Variants in PRLR observed in about 807,000 individuals in gnomAD.
PRLR encodes the protein hPRL receptor.
PRLR carries 13 observed loss-of-function variants against 40.2 expected under a neutral mutation model. The observed-to-expected ratio is 0.32, with a 90% CI of 0.21 to 0.51. The LOEUF is 0.51. Ranked by LOEUF, PRLR falls within the 20% of genes least tolerant of loss-of-function variation. The probability of loss-of-function intolerance (pLI) is 0.97; values close to 1 mark genes in which losing one functional copy is unlikely to be tolerated. For synonymous variants in PRLR, 269 were observed against 278.7 expected (o/e 0.97, Z 0.35); for missense variants, 656 against 747.3 (o/e 0.88, Z 1.42).
At chr5:35,143,790 C>T (rs1008888030) in intron 1 of PRLR, among the ~76,000 whole-genome samples, 18 of 152,096 alleles carry the variant, frequency 1.2e-4, no homozygotes, top group African/African-American at 3.6e-4. Flanking sequence ...TATGTATTCA[C>T]GCATTTCTAA....
chr5:35,113,514 C>T (rs1303598080), intron 2 of PRLR, among the ~76,000 whole-genome samples: 1 of 150,660 alleles, frequency 6.6e-6, no homozygotes, highest in Non-Finnish European at 1.5e-5. Flanking sequence ...TCTATCCACC[C>T]ATCCATTTAT....
At chr5:35,077,686 G>C (rs1304018061) in intron 5 of PRLR, among the ~76,000 whole-genome samples, 3 of 152,162 alleles carry the variant, frequency 2.0e-5, no homozygotes, top group Non-Finnish European at 2.9e-5. Context: ...CTTGAACTCA[G>C]CTCTGCACCA....
At chr5:35,174,827 C>A (rs1419414294) in intron 1 of PRLR, among the ~76,000 whole-genome samples, 1 of 152,140 alleles carries the variant, frequency 6.6e-6, no homozygotes, top group Non-Finnish European at 1.5e-5. Flanking sequence ...TTGGGTAAGA[C>A]CCCCACCCTG....
chr5:35,165,995 C>T (rs112053310), intron 1 of PRLR, among the ~76,000 whole-genome samples: 13 of 152,218 alleles, frequency 8.5e-5, no homozygotes, highest in African/African-American at 2.6e-4. Context: ...TAGTTTCTAT[C>T]CTCATATTCC....
intron 1 of PRLR, among the ~76,000 whole-genome samples, chr5:35,142,812 C>T (rs1579725502): frequency 6.6e-6 from 1 of 152,104 alleles, no homozygotes; most frequent in Non-Finnish European, 1.5e-5. Flanking sequence ...GTGCTATGGC[C>T]AGGTTGTCTG....
chr5:35,068,416 CAAT>C (rs1769516387), intron 8 of PRLR, 131 bp from the exon 9 acceptor site: 1 of 745,584 alleles, frequency 1.3e-6, no homozygotes, highest in Non-Finnish European at 2.3e-6. Flanking sequence ...ATGAAACAAT[CAAT>C]GATGAAAATA....
intron 1 of PRLR, among the ~76,000 whole-genome samples, chr5:35,185,299 T>G (rs1775397426): frequency 6.6e-6 from 1 of 152,192 alleles, no homozygotes. Context: ...AGAGTTATTT[T>G]ATACAAGGAA....
intron 2 of PRLR, among the ~76,000 whole-genome samples, chr5:35,101,332 C>CA (rs374496708): frequency 1.0e-3 from 152 of 152,266 alleles, no homozygotes; most frequent in African/African-American, 3.3e-3. Flanking sequence ...CATTAATCAA[C>CA]AGGCTCTCCA....
chr5:35,211,790 A>C (rs945402895), intron 1 of PRLR, among the ~76,000 whole-genome samples: 6 of 152,268 alleles, frequency 3.9e-5, no homozygotes, highest in Admixed American at 3.9e-4. Flanking sequence ...AAATTCATGT[A>C]TAATATGATA....
At chr5:35,105,983 T>C (rs896184868) in intron 2 of PRLR, among the ~76,000 whole-genome samples, 86 of 152,314 alleles carry the variant, frequency 5.6e-4, no homozygotes, top group Non-Finnish European at 9.6e-4. Flanking sequence ...AGAGAAAGGT[T>C]GGGTTACCCA....
chr5:35,167,216 A>G (rs1024193008), intron 1 of PRLR, among the ~76,000 whole-genome samples: 3 of 151,980 alleles, frequency 2.0e-5, no homozygotes, highest in East Asian at 1.9e-4. Flanking sequence ...ATATTGGTCA[A>G]TGAGAGGGAT....
chr5:35,134,920 C>T (rs973700940), intron 1 of PRLR, among the ~76,000 whole-genome samples: 2 of 152,188 alleles, frequency 1.3e-5, no homozygotes, highest in African/African-American at 4.8e-5. Flanking sequence ...AACCACTGCT[C>T]TAGATATTTC....
At chr5:35,066,158 C>G in intron 9 of PRLR, 56 bp from the exon 10 acceptor site, 1 of 1,511,936 alleles carries the variant, frequency 6.6e-7, no homozygotes, top group South Asian at 1.2e-5. Flanking sequence ...CATTCCAAAT[C>G]AGCATCCCTG....
intron 1 of PRLR, among the ~76,000 whole-genome samples, chr5:35,170,068 A>G (rs1205326594): frequency 6.6e-6 from 1 of 152,226 alleles, no homozygotes; most frequent in Non-Finnish European, 1.5e-5. Flanking sequence ...GAGGTTTATA[A>G]AAATGCAAAT....
Position 35,060,187 on chromosome 5 carries a change from C to T in PRLR, c.*4902G>A, listed in dbSNP as rs1277293355. The T allele has an allele frequency of 1.3e-5, 2 of 152,114 alleles. No individual in the cohort carries two copies. The highest frequency in any genetic ancestry group is 2.1e-4 in the South Asian group (1 of 4,812). The allele number at this position is 152,114 out of a possible 1,614,324, so 9.4% of individuals were successfully genotyped here. The stretch of plus-strand genomic sequence containing the variant: ...TGGATATCTGTGTGACTGATTTAAC[C>T]TTTGACTCAGTCTTTTGCAGTGCCA... On this transcript the variant is annotated 3_prime_UTR_variant, in exon 10 of 10. Transcript: ENST00000618457.
chr5:35,203,211 A>G (rs920621004), intron 1 of PRLR, among the ~76,000 whole-genome samples: 8 of 152,206 alleles, frequency 5.3e-5, no homozygotes, highest in African/African-American at 1.9e-4. Flanking sequence ...TTTCAGAAAG[A>G]CTGAGCTGTC....
At chr5:35,072,544 A>G in intron 6 of PRLR, 31 bp downstream of exon 6, 1 of 1,600,396 alleles carries the variant, frequency 6.2e-7, no homozygotes, top group Middle Eastern at 1.7e-4. Flanking sequence ...CAAAGGCCAT[A>G]GTTCCTTCAA....
chr5:35,115,836 G>T (rs551149967), intron 2 of PRLR, among the ~76,000 whole-genome samples: 1 of 152,086 alleles, frequency 6.6e-6, no homozygotes, highest in Non-Finnish European at 1.5e-5. Context: ...CATATAAAAG[G>T]CTGCAAAATG....
chr5:35,094,362 A>G (rs1177937327), intron 2 of PRLR, among the ~76,000 whole-genome samples: 1 of 152,240 alleles, frequency 6.6e-6, no homozygotes, highest in Non-Finnish European at 1.5e-5. Context: ...GTAGTTTTAC[A>G]TAATTCATTT....
Sources: allele counts gnomAD v4.1 joint callset (sites outside exome capture counted in the v4.1 genomes callset), GRCh38; gene constraint gnomAD v4.1.1; transcripts MANE v1.5; gene names NCBI Gene and HGNC (gene_info 2026-07-23, HGNC 2026-07-21).